The following ZNF365 variants were observed in gnomAD, a reference collection of about 807,000 sequenced individuals.
ZNF365 encodes zinc finger protein 365.
ZNF365 carries 22 observed loss-of-function variants against 35.0 expected under a neutral mutation model. The ratio of observed to expected loss-of-function variants is 0.63; its 90% CI spans 0.45 to 0.90. The LOEUF (loss-of-function observed/expected upper bound fraction) is 0.90, where lower values mean the gene tolerates loss of function less well. ZNF365 is among the 40% of genes least tolerant of loss of function. The pLI is 0.00. For missense variants in ZNF365, 448 were observed against 500.3 expected, an observed-to-expected ratio of 0.90 and a Z score of 1.00; for synonymous variants, 188 against 196.2, an observed-to-expected ratio of 0.96 and a Z score of 0.35.
downstream of ZNF365, among the ~76,000 whole-genome samples, chr10:62,403,919 C>A (rs943972285): frequency 6.6e-6 from 1 of 152,152 alleles, no homozygotes; most frequent in African/African-American, 2.4e-5. Flanking sequence ...AAAAGAAGCC[C>A]CGGAGCAATT....
intron 3 of ZNF365, among the ~76,000 whole-genome samples, chr10:62,390,173 C>T (rs1380498463): frequency 3.9e-5 from 6 of 152,120 alleles, no homozygotes; most frequent in South Asian, 2.1e-4. Flanking sequence ...AGTTAGTCTT[C>T]CTGGGCCTAT....
intron 3 of ZNF365, among the ~76,000 whole-genome samples, chr10:62,443,987 A>C (rs80060819): frequency 0.012 from 1,848 of 152,300 alleles, 11 homozygotes; most frequent in Non-Finnish European, 0.02. Flanking sequence ...GTTCCACCAA[A>C]GCATTCTCAA....
At chr10:62,465,768 G>A (rs566676825) in intron 4 of ZNF365, among the ~76,000 whole-genome samples, 21 of 152,132 alleles carry the variant, frequency 1.4e-4, no homozygotes, top group Non-Finnish European at 2.2e-4. Flanking sequence ...CAAGAACTTG[G>A]GACCCACTGA....
At chr10:62,430,336 A>G (rs1274276273) in intron 3 of ZNF365, among the ~76,000 whole-genome samples, 1 of 129,646 alleles carries the variant, frequency 7.7e-6, no homozygotes, top group African/African-American at 3.0e-5. Context: ...GCCCGCCACC[A>G]CGCCCGGCTA....
In ZNF365 at chr10:62,398,758, A is replaced by G. The variant is rs1230097001; in HGVS notation, c.943A>G (p.Asn315Asp). 1.2e-6 allele frequency: 2 copies of G among 1,612,660 alleles called. No homozygotes were observed. The highest frequency in any genetic ancestry group is 2.7e-5 in the African/African-American group (2 of 74,888). ...CCTTCAGCTTACAGACATCTCCTCA[A>G]ATAGGAAGCCCAAATGCCTGTATGT... ...SGHVLTDISS[N>D]RKPKCLSRGH... is the part of the protein sequence containing the mutation. Residue 315 changes from asparagine (N) to aspartate (D), a missense_variant, in exon 4 of 5, where the codon AAT (asparagine) becomes GAT (aspartate). By Grantham distance (23) the Asn-to-Asp change is conservative (BLOSUM62 1). This residue lies in a region of ZNF365 where 362 missense variants were observed against 375.7 expected (regional missense o/e 0.96). Coordinates refer to ENST00000395254, the MANE Select transcript of ZNF365 (RefSeq NM_014951.3).
At chr10:62,382,599 A>C (rs1295250935) in intron 2 of ZNF365, among the ~76,000 whole-genome samples, 6 of 152,216 alleles carry the variant, frequency 3.9e-5, no homozygotes, top group Admixed American at 1.3e-4. Context: ...ACTTACAACC[A>C]ATGAGAATAG....
chr10:62,376,854 C>T lies in ZNF365; in HGVS notation c.661C>T (p.Gln221Ter). ...VQRRERALNR[Q>*]VDVAVEMIAV... ...GAGACGAGAGCGGGCCTTAAACAGA[C>T]AGGTGGACGTGGCCGTGGAAATGAT... The change falls in exon 2 of 5, where the codon CAG becomes TAG. Residue 221 changes from glutamine to a stop codon, truncating the protein, a stop_gained. Transcript: ENST00000395254. LOFTEE classifies it high-confidence loss of function. The T allele has an allele frequency of 6.2e-7, 1 of 1,614,142 alleles. No individual in the cohort carries two copies.
chr10:62,429,463 G>A (rs1840302515), intron 3 of ZNF365, among the ~76,000 whole-genome samples: 1 of 152,178 alleles, frequency 6.6e-6, no homozygotes, highest in Admixed American at 6.5e-5. Context: ...ACTCTAAGCA[G>A]AACTAGATTT....
chr10:62,403,348 G>A (rs1455961241), downstream of ZNF365, among the ~76,000 whole-genome samples: 2 of 152,152 alleles, frequency 1.3e-5, no homozygotes, highest in Non-Finnish European at 2.9e-5. Flanking sequence ...TACCTTTGGT[G>A]GCAGAAAAAA....
At chr10:62,407,343 A>C (rs1427021388), downstream of ZNF365, among the ~76,000 whole-genome samples, 1 of 152,156 alleles carries the variant, frequency 6.6e-6, no homozygotes, top group African/African-American at 2.4e-5. Context: ...AAAAACTCAA[A>C]CACTACAAAA....
chr10:62,427,743 T>A (rs1053074771), intron 3 of ZNF365, among the ~76,000 whole-genome samples: 2 of 152,168 alleles, frequency 1.3e-5, no homozygotes, highest in African/African-American at 2.4e-5. Flanking sequence ...GTCTTGAGTC[T>A]ATGAAATAAG....
intron 3 of ZNF365, among the ~76,000 whole-genome samples, chr10:62,388,835 T>C (rs1221737460): frequency 2.0e-5 from 3 of 152,212 alleles, no homozygotes; most frequent in Non-Finnish European, 4.4e-5. Flanking sequence ...TAGAAATATA[T>C]ATATTTTAAA....
At chr10:62,462,954 A>T (rs1243399003) in intron 4 of ZNF365, among the ~76,000 whole-genome samples, 2 of 152,206 alleles carry the variant, frequency 1.3e-5, no homozygotes, top group African/African-American at 4.8e-5. Flanking sequence ...AGGTGAGCTC[A>T]TGTCAGCAGT....
chr10:62,472,862 T>C (rs1841065352), intron 4 of ZNF365, among the ~76,000 whole-genome samples: 1 of 152,188 alleles, frequency 6.6e-6, no homozygotes, highest in Non-Finnish European at 1.5e-5. Context: ...AATATGGATA[T>C]GGGGAAAATT....
intron 3 of ZNF365, among the ~76,000 whole-genome samples, chr10:62,433,135 G>A (rs533137677): frequency 1.3e-5 from 2 of 152,152 alleles, no homozygotes; most frequent in African/African-American, 4.8e-5. Context: ...TATGAAGTTT[G>A]ATTTGGATTT....
At chr10:62,440,120 G>A (rs1840472181) in intron 3 of ZNF365, among the ~76,000 whole-genome samples, 1 of 152,034 alleles carries the variant, frequency 6.6e-6, no homozygotes, top group South Asian at 2.1e-4. Flanking sequence ...GGATACCTTA[G>A]GCTCATTTTG....
At chr10:62,426,425 C>T (rs1468796982) in intron 3 of ZNF365, among the ~76,000 whole-genome samples, 1 of 152,088 alleles carries the variant, frequency 6.6e-6, no homozygotes, top group Non-Finnish European at 1.5e-5. Context: ...TATGCACAGC[C>T]CAGTTCCAGA....
chr10:62,454,336 G>C (rs112549455), intron 3 of ZNF365, among the ~76,000 whole-genome samples: 28 of 152,322 alleles, frequency 1.8e-4, no homozygotes, highest in African/African-American at 6.7e-4. Flanking sequence ...CAAACTGTGT[G>C]CCAAGGAATC....
At chr10:62,416,957 C>T (rs1330407356) in intron 3 of ZNF365, among the ~76,000 whole-genome samples, 1 of 151,966 alleles carries the variant, frequency 6.6e-6, no homozygotes, top group African/African-American at 2.4e-5. Context: ...CCCTTGAAGG[C>T]ATGTTTCTCA....
Sources: allele counts gnomAD v4.1 joint callset (sites outside exome capture counted in the v4.1 genomes callset), GRCh38; gene constraint gnomAD v4.1.1; regional missense constraint gnomAD v4.1.1; transcripts MANE v1.5; gene names NCBI Gene and HGNC (gene_info 2026-07-23, HGNC 2026-07-21).